HECA: variants seen among roughly 807,000 people sequenced by gnomAD.
The protein encoded by HECA is headcase protein homolog.
In HECA, 13 loss-of-function variants were observed where a neutral mutation model predicts 37.6. That is an observed-to-expected ratio of 0.35 (90% CI 0.23 to 0.55). The LOEUF (loss-of-function observed/expected upper bound fraction) is 0.55, where lower values mean the gene tolerates loss of function less well. HECA is among the 20% of genes least tolerant of loss of function. The probability of loss-of-function intolerance (pLI) is 0.90; values close to 1 mark genes in which losing one functional copy is unlikely to be tolerated. For synonymous variants in HECA, 307 were observed against 291.5 expected, an observed-to-expected ratio of 1.05 and a Z score of -0.54; for missense variants, 527 against 701.9, an observed-to-expected ratio of 0.75 and a Z score of 2.82.
intron 2 of HECA, chr6:139,169,956 A>G (rs2327935): frequency 0.71 from 108,564 of 152,136 alleles, 40,060 homozygotes; most frequent in African/African-American, 0.87. Flanking sequence ...AGCTCCCTAC[A>G]AACTCCCCGG....
At chr6:139,162,138 C>T (rs1332571821) in intron 1 of HECA, among the ~76,000 whole-genome samples, 1 of 152,142 alleles carries the variant, frequency 6.6e-6, no homozygotes, top group Non-Finnish European at 1.5e-5. Context: ...GCTTCCTCTC[C>T]TGAGTCGTCA....
intron 1 of HECA, among the ~76,000 whole-genome samples, chr6:139,145,123 A>C (rs772130657): frequency 2.6e-5 from 4 of 152,238 alleles, no homozygotes; most frequent in Admixed American, 6.5e-5. Context: ...AGTTTTTAAA[A>C]CAATAAACTC....
At chr6:139,152,088 T>G (rs1160230344) in intron 1 of HECA, among the ~76,000 whole-genome samples, 1 of 152,220 alleles carries the variant, frequency 6.6e-6, no homozygotes, top group Non-Finnish European at 1.5e-5. Context: ...GACACTATTA[T>G]CTTCATCCTG....
chr6:139,136,370 T>C (rs1183349130), intron 1 of HECA, among the ~76,000 whole-genome samples: 2 of 152,102 alleles, frequency 1.3e-5, no homozygotes, highest in Non-Finnish European at 2.9e-5. Flanking sequence ...AGGTAGTGCC[T>C]GAATGTTCCT....
rs1295385289 is a variant in HECA at position 139,166,304 on chromosome 6, C to T, written c.292C>T (p.Leu98=). The stretch of plus-strand genomic sequence containing the variant: ...CCCAGAAGCCCCATGTGCCACTCCC[C>T]TGATCTGCAGCTTCGGTAGGCCGGT... ...AKNEAPCATP[L]ICSFGRPVDL... The change falls in exon 2 of 4, where the codon CTG becomes TTG. Residue 98 remains leucine (L), a synonymous_variant. Transcript: ENST00000367658. The T allele has an allele frequency of 1.2e-6, 2 of 1,608,694 alleles. No homozygotes were observed. Among genetic ancestry groups the T allele is most frequent in the Non-Finnish European group, 1.7e-6 (2 of 1,176,358 alleles).
At chr6:139,165,899 C>A (rs1196600397) in intron 1 of HECA, 1 of 166,686 alleles carries the variant, frequency 6.0e-6, no homozygotes, top group Non-Finnish European at 1.3e-5. Flanking sequence ...TGGTTTTTTC[C>A]TTCACAGCCT....
intron 1 of HECA, among the ~76,000 whole-genome samples, chr6:139,160,981 C>T (rs551023348): frequency 5.9e-5 from 9 of 152,150 alleles, no homozygotes; most frequent in Non-Finnish European, 1.3e-4. Flanking sequence ...GCAGACCTGG[C>T]ATCAGACACC....
At chr6:139,144,019 G>C (rs367871044) in intron 1 of HECA, among the ~76,000 whole-genome samples, 1 of 152,176 alleles carries the variant, frequency 6.6e-6, no homozygotes, top group African/African-American at 2.4e-5. Flanking sequence ...ATGTGGAGTT[G>C]TGTAGCTGAA....
Position 139,176,304 on chromosome 6 carries a change from A to C in HECA, c.1468-637A>C, listed in dbSNP as rs1336069937. On this transcript the variant is annotated intron_variant, in intron 3 of 3. Transcript: ENST00000367658. This position sits in a 1 kb window ranked among gnomAD's most constrained non-coding sequence, Gnocchi z 4.5. The stretch of plus-strand genomic sequence containing the variant: ...TACCTCCCAGGAGTATTTTGAGAAC[A>C]AGTTGAGATTATACTTTTTAAGTAC... Among the ~76,000 whole-genome samples the C allele has an allele frequency of 6.6e-6, 1 of 152,210 alleles. No individual in the cohort carries two copies. Among genetic ancestry groups the C allele is most frequent in the East Asian group, 1.9e-4 (1 of 5,194 alleles).
Position 139,176,846 on chromosome 6 carries a change from C to T in HECA, c.1468-95C>T, listed in dbSNP as rs1308186002. On this transcript the variant is annotated intron_variant, in intron 3 of 3. Coordinates refer to ENST00000367658, the MANE Select transcript of HECA (RefSeq NM_016217.3). The surrounding 1 kb of genome is among the most constrained non-coding windows in gnomAD (Gnocchi z 4.5). ...GTAGTAAAAGGGATGCTTTGCAAAG[C>T]CCTTGATCAGTTTCCCAGCATTTTG... 1 of 740,034 alleles carries T rather than the reference C, an allele frequency of 1.4e-6. No individual in the cohort carries two copies. The highest frequency in any genetic ancestry group is 1.7e-5 in the African/African-American group (1 of 58,370). The allele number at this position is 740,034 out of a possible 1,614,324, so 45.8% of individuals were successfully genotyped here.
intron 1 of HECA, among the ~76,000 whole-genome samples, chr6:139,141,652 C>T (rs1305476776): frequency 2.0e-5 from 3 of 152,254 alleles, no homozygotes; most frequent in East Asian, 3.9e-4. Context: ...TCACAGCATC[C>T]TCACATGGCA....
chr6:139,144,516 G>A (rs1177764446), intron 1 of HECA: 1 of 152,766 alleles, frequency 6.5e-6, no homozygotes, highest in Non-Finnish European at 1.5e-5. Flanking sequence ...GGAGTTTGAT[G>A]TAGCCGGTGT....
chr6:139,144,712 G>A (rs755872144), intron 1 of HECA: 2 of 152,252 alleles, frequency 1.3e-5, no homozygotes, highest in Non-Finnish European at 2.9e-5. Flanking sequence ...AACAGAATGA[G>A]TATCTTTTAA....
intron 1 of HECA, chr6:139,155,765 A>G (rs1401923294): frequency 6.6e-6 from 1 of 152,214 alleles, no homozygotes; most frequent in Non-Finnish European, 1.5e-5. Context: ...AAATCTCCAA[A>G]CAAGAGAAAA....
At position 139,135,730 on chromosome 6, in the gene HECA, G is replaced by T. The variant is rs1459345256; in HGVS notation, c.271+63G>T. ...CCCGACGGGGACGGCGCGGTGGCGG[G>T]GCCCTGGGTGGCGCGGGCGGTGCGT... On this transcript the variant is annotated intron_variant, in intron 1 of 3. Coordinates refer to ENST00000367658, the MANE Select transcript of HECA (RefSeq NM_016217.3). 1.4e-5 allele frequency: 10 copies of T among 716,252 alleles called. No individual in the cohort carries two copies. In the Admixed American group the frequency reaches 2.5e-4, roughly 18 times the overall value. The allele number at this position is 716,252 out of a possible 1,614,324, so 44.4% of individuals were successfully genotyped here.
intron 1 of HECA, among the ~76,000 whole-genome samples, chr6:139,159,590 G>A (rs1774767868): frequency 6.6e-6 from 1 of 152,162 alleles, no homozygotes; most frequent in African/African-American, 2.4e-5. Flanking sequence ...AGACCTGGCT[G>A]GAGCTCTGCA....
intron 1 of HECA, among the ~76,000 whole-genome samples, chr6:139,153,954 T>C (rs1456568394): frequency 1.3e-5 from 2 of 152,188 alleles, no homozygotes; most frequent in Non-Finnish European, 2.9e-5. Flanking sequence ...ATAAGAACAC[T>C]GCCAAGAATT....
At chr6:139,137,589 G>A (rs1298234675) in intron 1 of HECA, among the ~76,000 whole-genome samples, 1 of 150,784 alleles carries the variant, frequency 6.6e-6, no homozygotes, top group Non-Finnish European at 1.5e-5. Context: ...TTCCTGTTCT[G>A]GTGGTGGTTT....
intron 1 of HECA, among the ~76,000 whole-genome samples, chr6:139,138,981 A>C (rs1402110406): frequency 6.6e-6 from 1 of 152,236 alleles, no homozygotes; most frequent in Non-Finnish European, 1.5e-5. Context: ...TGGTTCCATT[A>C]GGCCTCTACA....
Sources: gnomAD v4.1 joint callset for allele counts (sites outside exome capture counted in the v4.1 genomes callset) on GRCh38, gnomAD v4.1.1 for gene constraint, Gnocchi (gnomAD v3.1) non-coding constraint, MANE v1.5 for transcripts, NCBI Gene and HGNC (gene_info 2026-07-23, HGNC 2026-07-21) for gene names.